The following SH3KBP1 variants were observed in gnomAD, a reference collection of about 807,000 sequenced individuals.
SH3KBP1 encodes the protein SH3 domain containing kinase binding protein 1, also known as SH3 domain-containing kinase-binding protein 1.
Under a neutral mutation model 50.1 loss-of-function variants are expected in SH3KBP1, and 8 were observed. The observed-to-expected ratio is 0.16, with a 90% confidence interval of 0.09 to 0.29. The LOEUF (loss-of-function observed/expected upper bound fraction) is 0.29. Among genes scored for constraint, SH3KBP1 ranks in the 10% least tolerant of loss-of-function variants. The probability of loss-of-function intolerance (pLI) is 1.00; values close to 1 mark genes in which losing one functional copy is unlikely to be tolerated. For missense variants in SH3KBP1, 377 were observed against 535.2 expected (o/e 0.70, Z 2.92); for synonymous variants, 227 against 218.6 (o/e 1.04, Z -0.34).
In SH3KBP1 at chrX:19,648,127, A is replaced by C. The variant is rs2062030344; in HGVS notation, c.727-2652T>G. 2.7e-5 allele frequency: 10 copies of C among 370,580 alleles called. 1 individual carries two copies. Among genetic ancestry groups the C allele is most frequent in the Admixed American group, 2.6e-4 (10 of 39,007 alleles). The allele number at this position is 370,580 out of a possible 1,213,427, so 30.5% of individuals were successfully genotyped here. A position where few individuals can be genotyped will look rare whatever the true frequency, so the allele number is the denominator to read the frequency against. Reference sequence around the variant, plus strand: ...ATTCTCACTGGCCTAAGAACTTGTCATTGCTACTAAATGACTCAGTTCAGA... The same window carrying C: ...ATTCTCACTGGCCTAAGAACTTGTCCTTGCTACTAAATGACTCAGTTCAGA... On this transcript the variant is annotated intron_variant, in intron 6 of 17. Coordinates refer to ENST00000397821, the MANE Select transcript of SH3KBP1 (RefSeq NM_031892.3).
intron 12 of SH3KBP1, among the ~76,000 whole-genome samples, chrX:19,574,820 T>C (rs892498470): frequency 8.9e-6 from 1 of 112,355 alleles, no homozygotes; most frequent in African/African-American, 3.2e-5. Context: ...ATGGACTAAA[T>C]TGTGTCCTCT....
At chrX:19,613,495 G>A (rs2067496576) in intron 8 of SH3KBP1, among the ~76,000 whole-genome samples, 1 of 112,037 alleles carries the variant, frequency 8.9e-6, no homozygotes, top group African/African-American at 3.2e-5. Context: ...GCAAGAATAT[G>A]GAAAGAAATC....
At chrX:19,766,380 T>C (rs758465462) in intron 2 of SH3KBP1, among the ~76,000 whole-genome samples, 1 of 109,935 alleles carries the variant, frequency 9.1e-6, no homozygotes, top group Admixed American at 9.7e-5. Flanking sequence ...TGTTGAGTTG[T>C]AGGAGTTCTT....
At chrX:19,714,770 G>A (rs1033203803) in intron 3 of SH3KBP1, among the ~76,000 whole-genome samples, 10 of 112,151 alleles carry the variant, frequency 8.9e-5, no homozygotes, top group Admixed American at 8.5e-4. Flanking sequence ...ATTGAATTCT[G>A]CATTTTTAAA....
intron 2 of SH3KBP1, among the ~76,000 whole-genome samples, chrX:19,819,099 T>G (rs1022663153): frequency 8.9e-6 from 1 of 112,308 alleles, no homozygotes; most frequent in Non-Finnish European, 1.9e-5. Flanking sequence ...CAGTTAGTTA[T>G]AGGACTATTG....
chrX:19,836,080 A>C lies in SH3KBP1; in HGVS notation c.162+45T>G, dbSNP rs201854015. The C allele has an allele frequency of 2.2e-5, 26 of 1,176,681 alleles. No homozygotes were observed. In the Admixed American group the frequency reaches 4.0e-4, roughly 18 times the overall value. Reference sequence around the variant, plus strand: ...AGCGCCCCCATAGACTTTGGTCAGCAGAGCCCACACAGGAGACAGGAAAAG... The same window carrying C: ...AGCGCCCCCATAGACTTTGGTCAGCCGAGCCCACACAGGAGACAGGAAAAG... On this transcript the variant is annotated intron_variant, in intron 2 of 17. Coordinates refer to ENST00000397821, the MANE Select transcript of SH3KBP1 (RefSeq NM_031892.3).
chrX:19,700,602 T>C (rs766270516), intron 4 of SH3KBP1, among the ~76,000 whole-genome samples: 2 of 112,333 alleles, frequency 1.8e-5, no homozygotes, highest in Non-Finnish European at 3.8e-5. Flanking sequence ...AATTTAACTT[T>C]TTAAATATCG....
intron 6 of SH3KBP1, among the ~76,000 whole-genome samples, chrX:19,665,523 G>A (rs1217177856): frequency 8.9e-6 from 1 of 111,905 alleles, no homozygotes; most frequent in Non-Finnish European, 1.9e-5. Context: ...TTTAGAGAGA[G>A]AGAAAAATAT....
chrX:19,766,628 C>T (rs913128474), intron 2 of SH3KBP1, among the ~76,000 whole-genome samples: 10 of 104,817 alleles, frequency 9.5e-5, no homozygotes, highest in African/African-American at 1.4e-4. Context: ...CTCAGCCTCC[C>T]GAGTAGCTGG....
chrX:19,637,640 A>G (rs1462350561), intron 7 of SH3KBP1, among the ~76,000 whole-genome samples: 1 of 111,257 alleles, frequency 9.0e-6, no homozygotes, highest in African/African-American at 3.3e-5. Flanking sequence ...ATCATCCCTG[A>G]TAAGAATTTT....
rs146871669 is a variant in SH3KBP1, at chrX:19,609,556, G to A, written c.898-1511C>T. ...CATAAGGGAAAGCAAGAAGGTGACA[G>A]AGAAAGAGAGGAGATCATGTTCAGG... On this transcript the variant is annotated intron_variant, in intron 8 of 17. Transcript: ENST00000397821. Among the ~76,000 whole-genome samples, 560 of 111,939 alleles carry A rather than the reference G, an allele frequency of 5.0e-3. 1 individual carries two copies. The highest frequency in any genetic ancestry group is 0.019 in the Middle Eastern group (4 of 215).
intron 2 of SH3KBP1, among the ~76,000 whole-genome samples, chrX:19,800,889 T>TA (rs1052766577): frequency 1.8e-5 from 2 of 111,042 alleles, no homozygotes; most frequent in Non-Finnish European, 3.8e-5. Context: ...GCATTTAACA[T>TA]AAAAAAGGCC....
At chrX:19,552,304 G>A (rs112402009) in intron 13 of SH3KBP1, among the ~76,000 whole-genome samples, 383 of 111,066 alleles carry the variant, frequency 3.4e-3, no homozygotes, top group Non-Finnish European at 5.9e-3. Flanking sequence ...CAGCTTATCC[G>A]TGCAGATCTC....
intron 3 of SH3KBP1, among the ~76,000 whole-genome samples, chrX:19,722,216 G>A (rs772180955): frequency 1.8e-5 from 2 of 111,571 alleles, no homozygotes; most frequent in South Asian, 7.4e-4. Context: ...TGCTTGCCAA[G>A]TGCCCTCTTA....
intron 2 of SH3KBP1, among the ~76,000 whole-genome samples, chrX:19,794,230 CAAAAA>C (rs1218495525): frequency 0.099 from 2,694 of 27,265 alleles, 106 homozygotes; most frequent in African/African-American, 0.22. Flanking sequence ...CCTGTCTCTA[CAAAAA>C]AAAAAAAAAA....
chrX:19,801,798 A>T (rs889273817), intron 2 of SH3KBP1, among the ~76,000 whole-genome samples: 23 of 112,074 alleles, frequency 2.1e-4, no homozygotes, highest in African/African-American at 7.5e-4. Flanking sequence ...TGCCTGGGCC[A>T]GGTGCAGTGT....
At chrX:19,670,888 CCT>C in intron 6 of SH3KBP1, 3 of 1,150,781 alleles carry the variant, frequency 2.6e-6, no homozygotes, top group Non-Finnish European at 3.5e-6. Flanking sequence ...CAGCCAGCCT[CCT>C]CTCTTCAGTT....
intron 6 of SH3KBP1, among the ~76,000 whole-genome samples, chrX:19,647,147 G>T (rs753120903): frequency 1.8e-5 from 2 of 111,567 alleles, no homozygotes; most frequent in South Asian, 7.5e-4. Context: ...CTGGAATAAA[G>T]CATCACCATT....
chrX:19,725,462 C>T (rs771739942), intron 3 of SH3KBP1, among the ~76,000 whole-genome samples: 41 of 110,325 alleles, frequency 3.7e-4, no homozygotes, highest in Non-Finnish European at 6.6e-4. Context: ...CAGAGTGAGA[C>T]CCTGTCTCAA....
Sources: allele counts gnomAD v4.1 joint callset (sites outside exome capture counted in the v4.1 genomes callset), GRCh38; gene constraint gnomAD v4.1.1; transcripts MANE v1.5; gene names NCBI Gene and HGNC (gene_info 2026-07-23, HGNC 2026-07-21).